SPTLC3: variants seen among roughly 807,000 people sequenced by gnomAD.
SPTLC3 encodes serine palmitoyltransferase 3.
SPTLC3 carries 36 observed loss-of-function variants against 59.3 expected under a neutral mutation model. The observed-to-expected ratio is 0.61, with a 90% confidence interval of 0.47 to 0.80. SPTLC3 has a LOEUF of 0.80. Among genes scored for constraint, SPTLC3 ranks in the 30% least tolerant of loss-of-function variants. SPTLC3 has a pLI of 0.00. For missense variants in SPTLC3, 625 were observed against 685.1 expected, an observed-to-expected ratio of 0.91 and a Z score of 0.98; for synonymous variants, 257 against 240.8, an observed-to-expected ratio of 1.07 and a Z score of -0.62.
chr20:13,118,474 A>C lies in SPTLC3; in HGVS notation c.1152+749A>C, dbSNP rs1377245316. Among the ~76,000 whole-genome samples, 14 of 151,016 alleles carry C rather than the reference A, an allele frequency of 9.3e-5. No homozygotes were observed. The Admixed American group carries it at 9.3e-4, about 10-fold the overall frequency. ...GAAAAAAAAAACAAAAAAAAACAAT[A>C]AATATTTGAGAGAAATTTAAAAGGA... On this transcript the variant is annotated intron_variant, in intron 8 of 11. Transcript: ENST00000399002.
chr20:13,127,178 A>T (rs2038014335), intron 9 of SPTLC3, among the ~76,000 whole-genome samples: 1 of 152,228 alleles, frequency 6.6e-6, no homozygotes, highest in Non-Finnish European at 1.5e-5. Flanking sequence ...CAAAACACAC[A>T]CAATAAGCTT....
chr20:13,074,612 G>T, intron 4 of SPTLC3, 115 bp downstream of exon 4: 1 of 1,164,028 alleles, frequency 8.6e-7, no homozygotes, highest in Non-Finnish European at 1.2e-6. Context: ...GTTATAAACT[G>T]CAGAAAGAAA....
Position 13,072,275 on chromosome 20 carries a change from A to T in SPTLC3, c.323A>T (p.Gln108Leu), listed in dbSNP as rs1395444674. The change falls in exon 3 of 12, where the codon CAA (glutamine) becomes CTA (leucine). Residue 108 changes from glutamine (Q) to leucine (L), a missense_variant. Coordinates refer to ENST00000399002, the MANE Select transcript of SPTLC3 (RefSeq NM_018327.4). ...TAACAGGATTTTGTGCCACTGTATC[A>T]AGACTTTGAAAATTTTTATACAAGA... ...KEQKDFVPLY[Q>L]DFENFYTRNL... 7 of 1,613,464 alleles carry T rather than the reference A, an allele frequency of 4.3e-6. No homozygotes were observed. Among genetic ancestry groups the T allele is most frequent in the Non-Finnish European group, 5.9e-6 (7 of 1,179,774 alleles).
intron 8 of SPTLC3, among the ~76,000 whole-genome samples, chr20:13,124,313 G>A (rs986046363): frequency 6.6e-6 from 1 of 151,934 alleles, no homozygotes; most frequent in South Asian, 2.1e-4. Flanking sequence ...GATGGAAGGG[G>A]GGAGGGGGAG....
chr20:13,088,619 G>A (rs1989087885), intron 4 of SPTLC3, among the ~76,000 whole-genome samples: 1 of 149,698 alleles, frequency 6.7e-6, no homozygotes, highest in Admixed American at 6.7e-5. Context: ...CATCGTGCCT[G>A]GCCTTTGTTT....
chr20:13,132,916 C>T (rs2038156883), intron 9 of SPTLC3: 1 of 153,350 alleles, frequency 6.5e-6, no homozygotes, highest in South Asian at 2.1e-4. Context: ...CATGAAGTTT[C>T]CAGCCCCTGC....
At chr20:13,131,243 A>C (rs564841857) in intron 9 of SPTLC3, among the ~76,000 whole-genome samples, 1 of 152,170 alleles carries the variant, frequency 6.6e-6, no homozygotes, top group Non-Finnish European at 1.5e-5. Context: ...TTACCTTACT[A>C]CACCTTCTTT....
intron 1 of SPTLC3, among the ~76,000 whole-genome samples, chr20:13,043,474 G>A (rs1214245991): frequency 1.3e-5 from 2 of 152,164 alleles, no homozygotes. Context: ...CATTAAGTTG[G>A]TTTTAGATTT....
chr20:13,097,694 G>T (rs1018665815), intron 6 of SPTLC3, among the ~76,000 whole-genome samples: 5 of 152,092 alleles, frequency 3.3e-5, no homozygotes, highest in South Asian at 2.1e-4. Context: ...TGGGATGCAG[G>T]TTAGAGCACT....
At chr20:13,123,336 A>G (rs1432011625) in intron 8 of SPTLC3, among the ~76,000 whole-genome samples, 1 of 151,918 alleles carries the variant, frequency 6.6e-6, no homozygotes, top group Non-Finnish European at 1.5e-5. Flanking sequence ...GTCTAAAAAA[A>G]AAAAAAGTCA....
At chr20:13,134,117 G>A (rs2038188758) in intron 9 of SPTLC3, among the ~76,000 whole-genome samples, 1 of 152,164 alleles carries the variant, frequency 6.6e-6, no homozygotes, top group African/African-American at 2.4e-5. Flanking sequence ...CCATGCACAG[G>A]TGCAGCTACC....
chr20:13,087,100 C>A (rs928838793), intron 4 of SPTLC3, among the ~76,000 whole-genome samples: 1 of 152,116 alleles, frequency 6.6e-6, no homozygotes, highest in African/African-American at 2.4e-5. Context: ...CTAGCCTCCT[C>A]CCCGTCTTTA....
At chr20:13,015,073 T>C (rs1297839766) in intron 1 of SPTLC3, among the ~76,000 whole-genome samples, 1 of 152,206 alleles carries the variant, frequency 6.6e-6, no homozygotes, top group African/African-American at 2.4e-5. Flanking sequence ...GTAAGCTTTA[T>C]TTATGGTGAC....
chr20:13,036,611 A>G (rs2122454015), intron 1 of SPTLC3, among the ~76,000 whole-genome samples: 1 of 152,222 alleles, frequency 6.6e-6, no homozygotes, highest in African/African-American at 2.4e-5. Flanking sequence ...GTTTTTGGAA[A>G]GTTTAAAGTT....
intron 2 of SPTLC3, among the ~76,000 whole-genome samples, chr20:13,069,186 TTG>T (rs1988346081): frequency 1.3e-5 from 2 of 152,292 alleles, no homozygotes; most frequent in South Asian, 4.1e-4. Flanking sequence ...GCCAGGGTTT[TTG>T]TCATCACTGG....
chr20:13,075,334 G>A (rs1179647952), intron 4 of SPTLC3, among the ~76,000 whole-genome samples: 1 of 152,118 alleles, frequency 6.6e-6, no homozygotes, highest in Admixed American at 6.5e-5. Context: ...GGTCAGTTAG[G>A]TCTGCCTAAG....
At chr20:13,063,199 A>G (rs997086251) in intron 2 of SPTLC3, among the ~76,000 whole-genome samples, 3 of 152,150 alleles carry the variant, frequency 2.0e-5, no homozygotes, top group Non-Finnish European at 4.4e-5. Context: ...CTTTAAATAT[A>G]CTTTTTAGTT....
At chr20:13,014,783 T>A (rs1258249628) in intron 1 of SPTLC3, among the ~76,000 whole-genome samples, 2 of 125,542 alleles carry the variant, frequency 1.6e-5, no homozygotes, top group African/African-American at 5.4e-5. Flanking sequence ...CAAAGCTGTC[T>A]AAATTTAAAA....
intron 4 of SPTLC3, among the ~76,000 whole-genome samples, chr20:13,087,840 G>A (rs866940173): frequency 2.6e-5 from 4 of 152,192 alleles, no homozygotes; most frequent in Non-Finnish European, 5.9e-5. Context: ...TATGATAAAT[G>A]TTATTCAATC....
Sources: allele counts gnomAD v4.1 joint callset (sites outside exome capture counted in the v4.1 genomes callset), GRCh38; gene constraint gnomAD v4.1.1; transcripts MANE v1.5; gene names NCBI Gene and HGNC (gene_info 2026-07-23, HGNC 2026-07-21).